VDAC1: variants seen among roughly 807,000 people sequenced by gnomAD.
VDAC1 encodes the protein non-selective voltage-gated ion channel VDAC1.
Under a neutral mutation model 34.7 loss-of-function variants are expected in VDAC1, and 10 were observed. That is an observed-to-expected ratio of 0.29 (90% CI 0.18 to 0.49). The LOEUF (loss-of-function observed/expected upper bound fraction) is 0.49, where lower values mean the gene tolerates loss of function less well. VDAC1 is among the 20% of genes least tolerant of loss of function. The probability of loss-of-function intolerance (pLI) is 0.99; values close to 1 mark genes in which losing one functional copy is unlikely to be tolerated. For synonymous variants in VDAC1, 130 were observed against 136.0 expected (o/e 0.96, Z 0.30); for missense variants, 230 against 347.9 (o/e 0.66, Z 2.69).
chr5:134,084,716 G>C, the VDAC1 span, among the ~76,000 whole-genome samples: 3 of 152,386 alleles, frequency 2.0e-5, no homozygotes, highest in Admixed American at 6.5e-5. Context: ...AGCTGTGGTG[G>C]GGATTGAATG....
chr5:134,039,933 AG>A, the VDAC1 span, among the ~76,000 whole-genome samples: 1 of 152,196 alleles, frequency 6.6e-6, no homozygotes, highest in Non-Finnish European at 1.5e-5. Context: ...ACGCAGACAC[AG>A]CACATTCCCA....
the VDAC1 span, among the ~76,000 whole-genome samples, chr5:134,015,431 T>C: frequency 6.6e-6 from 1 of 152,094 alleles, no homozygotes; most frequent in Non-Finnish European, 1.5e-5. Context: ...ACAACACACA[T>C]TGAATCTTCT....
intron 2 of VDAC1, among the ~76,000 whole-genome samples, 155 bp from the exon 3 acceptor site, chr5:133,992,510 G>A (rs536262445): frequency 6.6e-6 from 1 of 152,206 alleles, no homozygotes; most frequent in Non-Finnish European, 1.5e-5. Context: ...CTCGTGGGGG[G>A]AGCTCTCAGC....
chr5:134,076,187 C>A, the VDAC1 span, among the ~76,000 whole-genome samples: 1 of 152,078 alleles, frequency 6.6e-6, no homozygotes. Flanking sequence ...CCACGTTGGT[C>A]AGGCTGGTCT....
At chr5:134,077,776 G>A in the VDAC1 span, among the ~76,000 whole-genome samples, 1 of 152,194 alleles carries the variant, frequency 6.6e-6, no homozygotes, top group Non-Finnish European at 1.5e-5. Flanking sequence ...TTCTCTAGGA[G>A]TCCAATAATA....
At chr5:134,062,787 C>T in the VDAC1 span, among the ~76,000 whole-genome samples, 2 of 151,532 alleles carry the variant, frequency 1.3e-5, no homozygotes. Context: ...CCACCATGCT[C>T]AGCTAATTTT....
At chr5:134,086,162 C>T in the VDAC1 span, among the ~76,000 whole-genome samples, 1 of 152,152 alleles carries the variant, frequency 6.6e-6, no homozygotes, top group African/African-American at 2.4e-5. Flanking sequence ...TTCCACTGCA[C>T]TCCAGCCTGG....
At chr5:133,992,848 G>T in intron 2 of VDAC1, 98 bp downstream of exon 2, 2 of 1,180,948 alleles carry the variant, frequency 1.7e-6, no homozygotes, top group Non-Finnish European at 2.4e-6. Flanking sequence ...GTTCAGAACA[G>T]CTGACCTACC....
At chr5:134,098,193 A>G in the VDAC1 span, among the ~76,000 whole-genome samples, 7 of 147,116 alleles carry the variant, frequency 4.8e-5, no homozygotes, top group African/African-American at 1.5e-4. Context: ...TATTATTATT[A>G]TTATTATTAT....
At chr5:134,031,390 A>G in the VDAC1 span, among the ~76,000 whole-genome samples, 1 of 152,220 alleles carries the variant, frequency 6.6e-6, no homozygotes, top group African/African-American at 2.4e-5. Flanking sequence ...GCTGCCTTGT[A>G]TGGCTTAAGG....
the VDAC1 span, among the ~76,000 whole-genome samples, chr5:134,086,689 T>A: frequency 1.9e-3 from 283 of 152,184 alleles, 1 homozygote; most frequent in African/African-American, 6.6e-3. Flanking sequence ...TCTTCCTTCT[T>A]CCTTCCCCTT....
the VDAC1 span, among the ~76,000 whole-genome samples, chr5:134,038,322 A>G: frequency 1.3e-5 from 2 of 151,786 alleles, no homozygotes; most frequent in Non-Finnish European, 2.9e-5. Context: ...CAAAGCAAAC[A>G]GCAGGTTCAG....
the VDAC1 span, among the ~76,000 whole-genome samples, chr5:134,063,935 C>T: frequency 0.43 from 65,025 of 151,116 alleles, 14,770 homozygotes; most frequent in Non-Finnish European, 0.51. Flanking sequence ...CAGACTCAAG[C>T]GATTCCCCCT....
chr5:134,030,282 G>A, the VDAC1 span, among the ~76,000 whole-genome samples: 3 of 151,944 alleles, frequency 2.0e-5, no homozygotes, highest in Non-Finnish European at 2.9e-5. Flanking sequence ...GGAGGTCCGC[G>A]GTGAGCAAGA....
the VDAC1 span, among the ~76,000 whole-genome samples, chr5:134,086,937 A>C: frequency 6.6e-6 from 1 of 152,216 alleles, no homozygotes; most frequent in Admixed American, 6.5e-5. Context: ...ACACTTGAAG[A>C]AAAAAGCAGT....
intron 3 of VDAC1, 76 bp downstream of exon 3, chr5:133,992,230 C>T: frequency 2.6e-6 from 3 of 1,134,706 alleles, no homozygotes; most frequent in South Asian, 6.6e-5. Flanking sequence ...GAGCAAAACT[C>T]CATCTCAAAA....
chr5:134,014,088 G>C, the VDAC1 span, among the ~76,000 whole-genome samples: 1 of 151,636 alleles, frequency 6.6e-6, no homozygotes, highest in African/African-American at 2.4e-5. Context: ...TCAGGAGTTT[G>C]AGACAACCTG....
the VDAC1 span, among the ~76,000 whole-genome samples, chr5:134,085,546 T>C: frequency 6.6e-6 from 1 of 151,310 alleles, no homozygotes; most frequent in African/African-American, 2.4e-5. Context: ...ATCTGTAAAA[T>C]GGGCAGAGAA....
At chr5:134,003,981 C>G (rs1014408434) in intron 1 of VDAC1, among the ~76,000 whole-genome samples, 13 of 152,256 alleles carry the variant, frequency 8.5e-5, no homozygotes, top group African/African-American at 2.9e-4. Context: ...CACATCCTTC[C>G]CCGTGGGGCC....
Sources: gnomAD v4.1 joint callset for allele counts (sites outside exome capture counted in the v4.1 genomes callset) on GRCh38, gnomAD v4.1.1 for gene constraint, MANE v1.5 for transcripts, NCBI Gene and HGNC (gene_info 2026-07-23, HGNC 2026-07-21) for gene names.